Variants in GLI2 observed in about 807,000 individuals in gnomAD.
The protein encoded by GLI2 is transcription activator GLI2.
Under a neutral mutation model 78.9 loss-of-function variants are expected in GLI2, and 22 were observed. The observed-to-expected ratio is 0.28, with a 90% CI of 0.20 to 0.40. GLI2 has a LOEUF of 0.40. Ranked by LOEUF, GLI2 falls within the 10% of genes least tolerant of loss-of-function variation. The probability of loss-of-function intolerance (pLI) is 1.00; values close to 1 mark genes in which losing one functional copy is unlikely to be tolerated. For synonymous variants in GLI2, 974 were observed against 963.7 expected, an observed-to-expected ratio of 1.01 and a Z score of -0.20; for missense variants, 2,097 against 2,213.2, an observed-to-expected ratio of 0.95 and a Z score of 1.05.
chr2:120,883,576 A>T (rs1276980841), intron 2 of GLI2, among the ~76,000 whole-genome samples: 1 of 152,224 alleles, frequency 6.6e-6, no homozygotes, highest in Non-Finnish European at 1.5e-5. Flanking sequence ...AGGTATTTGT[A>T]GAGCATTTGC....
intron 1 of GLI2, among the ~76,000 whole-genome samples, chr2:120,756,319 G>C (rs546119042): frequency 6.6e-6 from 1 of 152,126 alleles, no homozygotes; most frequent in Admixed American, 6.5e-5. Flanking sequence ...GATATTTTAT[G>C]TTTTTGATAC....
In GLI2 at chr2:120,936,887, G is replaced by A. The variant is rs181458815; in HGVS notation, c.254+9421G>A. Among the ~76,000 whole-genome samples the A allele has an allele frequency of 5.0e-4, 76 of 152,318 alleles. 1 individual carries two copies. Among genetic ancestry groups the A allele is most frequent in the Non-Finnish European group, 4.4e-4 (30 of 68,032 alleles). ...CCAGCCCGAGTCAAGGTGTTGCTGA[G>A]GGAAAATGTGAGCAGTGCCCTGCCC... On this transcript the variant is annotated intron_variant, in intron 3 of 13. Transcript: ENST00000361492.
At chr2:120,827,873 G>A (rs972772855) in intron 2 of GLI2, among the ~76,000 whole-genome samples, 4 of 152,210 alleles carry the variant, frequency 2.6e-5, no homozygotes, top group South Asian at 2.1e-4. Flanking sequence ...GCCAGGGGCC[G>A]GAGGGAGGAA....
At chr2:120,979,417 G>T (rs1053350502) in intron 10 of GLI2, among the ~76,000 whole-genome samples, 1 of 152,202 alleles carries the variant, frequency 6.6e-6, no homozygotes, top group Non-Finnish European at 1.5e-5. Context: ...GGTTTCAGCT[G>T]TAGCTGAAAC....
At position 120,988,730 on chromosome 2, in the gene GLI2, G is replaced by A. The variant is rs745984071; in HGVS notation, c.2765G>A (p.Arg922His). Residue 922 changes from arginine (R) to histidine (H), a missense_variant, in exon 14 of 14, where the codon CGT becomes CAT. Around this residue, in one of 5 missense-constraint regions of GLI2, gnomAD observed 1,290 missense variants for 1,261.7 expected, o/e 1.02. Coordinates refer to ENST00000361492, the MANE Select transcript of GLI2 (RefSeq NM_001374353.1). ...AGCPRPLGPRRGSDGPTYGHG... is the reference protein window; with the variant it reads ...AGCPRPLGPRHGSDGPTYGHG... ...TGCCCACGCCCACTGGGGCCGCGGC[G>A]TGGCAGCGACGGGCCGACCTATGGC... 16 of 1,197,348 alleles carry A rather than the reference G, an allele frequency of 1.3e-5. No homozygotes were observed. In the South Asian group the frequency reaches 2.9e-4, roughly 21 times the overall value. 74.2% of individuals were successfully genotyped at this position (1,197,348 alleles called of 1,614,324 possible).
intron 1 of GLI2, among the ~76,000 whole-genome samples, chr2:120,780,349 T>C (rs1389356704): frequency 1.3e-5 from 2 of 152,198 alleles, no homozygotes; most frequent in Admixed American, 6.5e-5. Flanking sequence ...TTCCCCTCTT[T>C]CTTGCAGAGA....
At chr2:120,910,023 G>A (rs1162755278) in intron 2 of GLI2, among the ~76,000 whole-genome samples, 1 of 152,004 alleles carries the variant, frequency 6.6e-6, no homozygotes, top group Non-Finnish European at 1.5e-5. Context: ...CCCAGCTGGG[G>A]GTGGAGTGAG....
At chr2:120,855,553 T>C (rs1427562427) in intron 2 of GLI2, among the ~76,000 whole-genome samples, 1 of 152,194 alleles carries the variant, frequency 6.6e-6, no homozygotes, top group Non-Finnish European at 1.5e-5. Context: ...TTCACAAGGT[T>C]TAAAAACAGT....
At chr2:120,979,540 T>G (rs1241642607) in intron 10 of GLI2, among the ~76,000 whole-genome samples, 3 of 152,206 alleles carry the variant, frequency 2.0e-5, no homozygotes, top group Non-Finnish European at 2.9e-5. Context: ...GTGTCCAGGA[T>G]CCAATGAAAT....
At chr2:120,811,836 C>T (rs1052669192) in intron 2 of GLI2, among the ~76,000 whole-genome samples, 1 of 152,028 alleles carries the variant, frequency 6.6e-6, no homozygotes, top group Non-Finnish European at 1.5e-5. Context: ...TCTTTTTCCT[C>T]CCTCCCTCCC....
chr2:120,812,354 C>G (rs1685289387), intron 2 of GLI2, among the ~76,000 whole-genome samples: 1 of 152,152 alleles, frequency 6.6e-6, no homozygotes, highest in Non-Finnish European at 1.5e-5. Flanking sequence ...AGGCAGATGC[C>G]CTGGGTCCTG....
intron 2 of GLI2, among the ~76,000 whole-genome samples, chr2:120,804,189 A>G (rs1015683423): frequency 2.0e-5 from 3 of 152,156 alleles, no homozygotes; most frequent in Non-Finnish European, 4.4e-5. Context: ...CCAGAGCTAG[A>G]AAATCCCCTC....
intron 2 of GLI2, among the ~76,000 whole-genome samples, chr2:120,870,704 G>A (rs565326531): frequency 3.7e-4 from 56 of 152,272 alleles, no homozygotes; most frequent in African/African-American, 1.1e-3. Context: ...CTCCCAGATC[G>A]ATCCCAGAGC....
At chr2:120,775,462 A>G (rs1337623796) in intron 1 of GLI2, among the ~76,000 whole-genome samples, 1 of 152,230 alleles carries the variant, frequency 6.6e-6, no homozygotes. Context: ...TGATGCGAAC[A>G]GTGCGCTAAT....
chr2:120,958,236 C>T (rs1681371342), intron 5 of GLI2, among the ~76,000 whole-genome samples: 1 of 152,216 alleles, frequency 6.6e-6, no homozygotes, highest in African/African-American at 2.4e-5. Context: ...ACATGTGAGC[C>T]TGGCCCAGTG....
intron 2 of GLI2, among the ~76,000 whole-genome samples, chr2:120,835,853 A>C (rs1414192741): frequency 6.6e-6 from 1 of 152,074 alleles, no homozygotes; most frequent in African/African-American, 2.4e-5. Flanking sequence ...TAATATTTTA[A>C]CCACACCAAA....
In GLI2 at chr2:120,800,023, G is replaced by A. The variant is rs1386361052; in HGVS notation, c.148+2555G>A. Among the ~76,000 whole-genome samples the A allele has an allele frequency of 6.6e-6, 1 of 152,166 alleles. No homozygotes were observed. Among genetic ancestry groups the A allele is most frequent in the Non-Finnish European group, 1.5e-5 (1 of 68,034 alleles). ...GTCTTCTGGGACTGGAATGGTGTAG[G>A]AGAAAGGGTGGCATTGGTGAAGGAG... On this transcript the variant is annotated intron_variant, in intron 2 of 13. Coordinates refer to ENST00000361492, the MANE Select transcript of GLI2 (RefSeq NM_001374353.1). The surrounding 1 kb of genome is among the most constrained non-coding windows in gnomAD (Gnocchi z 4.1).
chr2:120,902,614 TC>T (rs1431342576), intron 2 of GLI2, among the ~76,000 whole-genome samples: 4 of 152,150 alleles, frequency 2.6e-5, no homozygotes, highest in South Asian at 4.1e-4. Flanking sequence ...AAATAAAAAT[TC>T]CAGCTGGTGC....
chr2:120,988,252 G>A lies in GLI2; in HGVS notation c.2287G>A (p.Ala763Thr). ...CAGTGGCAGTGGGGGCGGCGGGCCC[G>A]CGGGGCTGCTGCCGAACCCGCGGCT... ...NFSGSGGGGP[A>T]GLLPNPRLSE... The change falls in exon 14 of 14, where the codon GCG (alanine) becomes ACG (threonine). Residue 763 changes from alanine to threonine, a missense_variant. Coordinates refer to ENST00000361492, the MANE Select transcript of GLI2 (RefSeq NM_001374353.1). 1.3e-6 allele frequency: 2 copies of A among 1,574,842 alleles called. No individual in the cohort carries two copies. Among genetic ancestry groups the A allele is most frequent in the Non-Finnish European group, 1.7e-6 (2 of 1,165,332 alleles).
Sources: gnomAD v4.1 joint callset for allele counts (sites outside exome capture counted in the v4.1 genomes callset) on GRCh38, gnomAD v4.1.1 for gene constraint, gnomAD v4.1.1 regional missense constraint, Gnocchi (gnomAD v3.1) non-coding constraint, MANE v1.5 for transcripts, NCBI Gene and HGNC (gene_info 2026-07-23, HGNC 2026-07-21) for gene names.